ATXN1: variants seen among roughly 807,000 people sequenced by gnomAD.
ATXN1 encodes the protein ataxin-1.
Under a neutral mutation model 56.4 loss-of-function variants are expected in ATXN1, and 8 were observed. The ratio of observed to expected loss-of-function variants is 0.14; its 90% CI spans 0.08 to 0.26. The LOEUF (loss-of-function observed/expected upper bound fraction) is 0.26, where lower values mean the gene tolerates loss of function less well. ATXN1 is among the 10% of genes least tolerant of loss of function. ATXN1 has a pLI of 1.00. For missense variants in ATXN1, 987 were observed against 1,106.5 expected (o/e 0.89, Z 1.53); for synonymous variants, 514 against 494.6 (o/e 1.04, Z -0.52).
At chr6:16,716,891 T>G (rs1200825107) in intron 2 of ATXN1, among the ~76,000 whole-genome samples, 1 of 152,196 alleles carries the variant, frequency 6.6e-6, no homozygotes, top group Non-Finnish European at 1.5e-5. Flanking sequence ...GAGCTTGATA[T>G]GAAGATACAG....
chr6:16,521,252 A>T (rs922028175), intron 5 of ATXN1, among the ~76,000 whole-genome samples: 5 of 152,228 alleles, frequency 3.3e-5, no homozygotes, highest in Non-Finnish European at 5.9e-5. Flanking sequence ...TGTAAAAACC[A>T]ACATAACTTT....
At chr6:16,759,199 A>G (rs1272324569) in intron 1 of ATXN1, among the ~76,000 whole-genome samples, 1 of 152,278 alleles carries the variant, frequency 6.6e-6, no homozygotes, top group Admixed American at 6.5e-5. Context: ...TATTAAAAAC[A>G]GCCTGCATTA....
intron 3 of ATXN1, among the ~76,000 whole-genome samples, chr6:16,643,204 G>T (rs1415874591): frequency 6.7e-6 from 1 of 149,262 alleles, no homozygotes; most frequent in Non-Finnish European, 1.5e-5. Context: ...AGTGAGCAGA[G>T]ATCGTGCCAC....
intron 6 of ATXN1, among the ~76,000 whole-genome samples, chr6:16,338,100 A>AGT (rs1761165779): frequency 6.6e-6 from 1 of 152,236 alleles, no homozygotes; most frequent in Non-Finnish European, 1.5e-5. Context: ...ATTACTACTA[A>AGT]GGACACACAG....
At chr6:16,595,931 C>T (rs954335495) in intron 3 of ATXN1, among the ~76,000 whole-genome samples, 3 of 152,164 alleles carry the variant, frequency 2.0e-5, no homozygotes, top group Non-Finnish European at 2.9e-5. Flanking sequence ...TGGAACCCAG[C>T]CAGGCAGTGT....
intron 6 of ATXN1, among the ~76,000 whole-genome samples, chr6:16,435,190 T>C (rs1759364035): frequency 6.6e-6 from 1 of 152,138 alleles, no homozygotes; most frequent in South Asian, 2.1e-4. Flanking sequence ...ACTTTGACTT[T>C]GAACGTGCTG....
chr6:16,445,068 T>C (rs1040687992), intron 6 of ATXN1, among the ~76,000 whole-genome samples: 4 of 151,944 alleles, frequency 2.6e-5, no homozygotes, highest in Admixed American at 2.0e-4. Context: ...TGATACCGAG[T>C]AGTGTAAAAG....
intron 2 of ATXN1, among the ~76,000 whole-genome samples, chr6:16,715,691 T>A (rs542451353): frequency 6.6e-6 from 1 of 152,224 alleles, no homozygotes; most frequent in Non-Finnish European, 1.5e-5. Flanking sequence ...TGTGTTGGTA[T>A]GAATGTGCAG....
intron 6 of ATXN1, among the ~76,000 whole-genome samples, chr6:16,434,111 C>A (rs1428146521): frequency 6.6e-6 from 1 of 152,120 alleles, no homozygotes; most frequent in African/African-American, 2.4e-5. Flanking sequence ...TGGGTTCATC[C>A]TTCTCCATGT....
intron 5 of ATXN1, among the ~76,000 whole-genome samples, chr6:16,518,470 G>A (rs776399445): frequency 5.9e-5 from 9 of 152,154 alleles, no homozygotes; most frequent in Non-Finnish European, 1.3e-4. Flanking sequence ...CAGGTGGCCT[G>A]CGACCAGGCT....
chr6:16,698,567 G>A (rs1759214389), intron 2 of ATXN1, among the ~76,000 whole-genome samples: 2 of 149,624 alleles, frequency 1.3e-5, no homozygotes, highest in Admixed American at 6.7e-5. Flanking sequence ...AGTTAACAGA[G>A]AAACTGTTCT....
In ATXN1 at chr6:16,722,890, ATC is replaced by A. The variant is rs1759773549; in HGVS notation, c.-615+30341_-615+30342del. Reference sequence around the variant, plus strand: ...CGAGTTTTCTGCTCTGCTTCAAAAGATCTGTTATGTTTAAGAATTTAAAACAC... The same window carrying A: ...CGAGTTTTCTGCTCTGCTTCAAAAGATGTTATGTTTAAGAATTTAAAACAC... On this transcript the variant is annotated intron_variant, in intron 2 of 7. Coordinates refer to ENST00000436367, the MANE Select transcript of ATXN1 (RefSeq NM_001128164.2). Among the ~76,000 whole-genome samples the A allele has an allele frequency of 1.3e-5, 2 of 152,192 alleles. 1 individual carries two copies. The highest frequency in any genetic ancestry group is 4.1e-4 in the South Asian group (2 of 4,838).
At chr6:16,748,306 C>CCTT (rs1760600354) in intron 2 of ATXN1, among the ~76,000 whole-genome samples, 2 of 152,094 alleles carry the variant, frequency 1.3e-5, no homozygotes. Context: ...AAGGAAGGAC[C>CCTT]CTTCCTTGAT....
intron 6 of ATXN1, among the ~76,000 whole-genome samples, chr6:16,420,261 G>A (rs955975179): frequency 3.3e-5 from 5 of 152,178 alleles, no homozygotes; most frequent in African/African-American, 9.7e-5. Context: ...GAGATGGTGG[G>A]ATGACTTTCA....
At chr6:16,476,344 A>G (rs1441777709) in intron 6 of ATXN1, among the ~76,000 whole-genome samples, 1 of 152,148 alleles carries the variant, frequency 6.6e-6, no homozygotes, top group Non-Finnish European at 1.5e-5. Flanking sequence ...ACTTTACCAA[A>G]TTTCTTCTAA....
chr6:16,394,317 C>T (rs150877863), intron 6 of ATXN1, among the ~76,000 whole-genome samples: 17 of 152,160 alleles, frequency 1.1e-4, no homozygotes, highest in African/African-American at 3.4e-4. Context: ...CATTTTTTCC[C>T]GAACCCTTAA....
At chr6:16,371,433 G>A (rs1762040481) in intron 6 of ATXN1, among the ~76,000 whole-genome samples, 1 of 150,718 alleles carries the variant, frequency 6.6e-6, no homozygotes, top group African/African-American at 2.4e-5. Context: ...TTTATTATTT[G>A]TATTTAACAC....
intron 5 of ATXN1, among the ~76,000 whole-genome samples, chr6:16,496,375 G>T (rs1284778423): frequency 6.6e-6 from 1 of 152,166 alleles, no homozygotes; most frequent in Non-Finnish European, 1.5e-5. Flanking sequence ...GTTACGCAGG[G>T]CCGGGTAAGT....
chr6:16,439,546 T>C (rs1000505697), intron 6 of ATXN1, among the ~76,000 whole-genome samples: 3 of 151,950 alleles, frequency 2.0e-5, no homozygotes, highest in Admixed American at 6.6e-5. Context: ...TAGTGGTTGG[T>C]TTCATACTGT....
Sources: allele counts gnomAD v4.1 joint callset (sites outside exome capture counted in the v4.1 genomes callset), GRCh38; gene constraint gnomAD v4.1.1; transcripts MANE v1.5; gene names NCBI Gene and HGNC (gene_info 2026-07-23, HGNC 2026-07-21).